Variants in DCHS1 observed in about 807,000 individuals in gnomAD.
DCHS1 encodes dachsous cadherin-related 1, also known as protocadherin-16.
Under a neutral mutation model 213.9 loss-of-function variants are expected in DCHS1, and 78 were observed. That is an observed-to-expected ratio of 0.36 (90% CI 0.30 to 0.44). The LOEUF is 0.44. Ranked by LOEUF, DCHS1 falls within the 20% of genes least tolerant of loss-of-function variation. DCHS1 has a pLI of 1.00. For synonymous variants in DCHS1, 1,828 were observed against 1,873.7 expected, an observed-to-expected ratio of 0.98 and a Z score of 0.63; for missense variants, 3,946 against 4,395.9, an observed-to-expected ratio of 0.90 and a Z score of 2.89.
chr11:6,638,635 C>G (rs559723952), intron 2 of DCHS1, among the ~76,000 whole-genome samples: 5 of 152,336 alleles, frequency 3.3e-5, no homozygotes, highest in Middle Eastern at 3.4e-3. Flanking sequence ...CACTCATACG[C>G]CACCTGCTGC....
Position 6,634,226 on chromosome 11 carries a change from A to C in DCHS1, c.1878T>G (p.Ser626=). Residue 626 remains serine (S), a synonymous_variant, in exon 3 of 21, where the codon TCT becomes TCG. Transcript: ENST00000299441. The part of the protein sequence containing the change: ...SLGAGLGSSG[S]PPFRIDAHSG... ...TGTGGGCATCAATGCGGAATGGGGG[A>C]GATCCGGAGGACCCAAGTCCAGCAC... The C allele has an allele frequency of 6.2e-7, 1 of 1,613,870 alleles. No individual in the cohort carries two copies. Among genetic ancestry groups the C allele is most frequent in the Non-Finnish European group, 8.5e-7 (1 of 1,179,822 alleles).
At chr11:6,653,816 G>C (rs994719361) in intron 1 of DCHS1, among the ~76,000 whole-genome samples, 31 of 152,212 alleles carry the variant, frequency 2.0e-4, no homozygotes, top group African/African-American at 7.2e-4. Context: ...GAAAGGAACA[G>C]AGTAGGAGAA....
chr11:6,630,739 C>T lies in DCHS1; in HGVS notation c.4055G>A (p.Gly1352Asp). ...AEGLRPGSLL[G>D]SVAAPEPAGV... ...CGCGGGCTCTGGCGCTGCCACCGAG[C>T]CCAACAGAGAGCCGGGCCGCAGTCC... The change falls in exon 10 of 21, where the codon GGC becomes GAC. Residue 1352 changes from glycine (G) to aspartate (D), a missense_variant. Physicochemically the swap from Gly to Asp is moderately conservative, Grantham distance 94. Coordinates refer to ENST00000299441, the MANE Select transcript of DCHS1 (RefSeq NM_003737.4). The T allele has an allele frequency of 6.5e-7, 1 of 1,545,092 alleles. No individual in the cohort carries two copies.
rs752835186 is a variant in DCHS1, at chr11:6,631,386, C to G, written c.3697G>C (p.Gly1233Arg). The G allele has an allele frequency of 1.2e-6, 2 of 1,614,002 alleles. No individual in the cohort carries two copies. Among genetic ancestry groups the G allele is most frequent in the South Asian group, 1.1e-5 (1 of 91,088 alleles). Residue 1233 changes from glycine to arginine, a missense_variant, in exon 8 of 21, where the codon GGA becomes CGA. This residue lies in a region of DCHS1 where 3,384 missense variants were observed against 3,780.1 expected (regional missense o/e 0.90). Transcript: ENST00000299441. Reference sequence around the variant, plus strand: ...GCCTGCAGAGTCGTCACCAGTGTTCCCGGAGGCACGCGGTCTGGTACCTGT... The same window carrying G: ...GCCTGCAGAGTCGTCACCAGTGTTCGCGGAGGCACGCGGTCTGGTACCTGT... ...PIQVPDRVPP[G>R]TLVTTLQAKD...
At position 6,629,498 on chromosome 11, in the gene DCHS1, A is replaced by G. The variant is rs910132672; in HGVS notation, c.5115T>C (p.Thr1705=). 7 of 1,613,258 alleles carry G rather than the reference A, an allele frequency of 4.3e-6. No individual in the cohort carries two copies. The African/African-American group carries it at 8.0e-5, about 18-fold the overall frequency. ...SLDPDTGVLT[T]LRALDREEQE... is the part of the protein sequence containing the mutation. ...GTTCCTCTCGATCCAGGGCCCGAAGAGTCGTGAGAACACCAGTGTCAGGAT... is the reference window on the plus strand; with the variant it reads ...GTTCCTCTCGATCCAGGGCCCGAAGGGTCGTGAGAACACCAGTGTCAGGAT... The change falls in exon 12 of 21, where the codon ACT becomes ACC. Residue 1705 remains threonine (T), a synonymous_variant. Coordinates refer to ENST00000299441, the MANE Select transcript of DCHS1 (RefSeq NM_003737.4).
chr11:6,625,003 G>C lies in DCHS1; in HGVS notation c.7147-135C>G. The C allele has an allele frequency of 7.1e-7, 1 of 1,417,936 alleles. No homozygotes were observed. Among genetic ancestry groups the C allele is most frequent in the Non-Finnish European group, 9.6e-7 (1 of 1,045,020 alleles). 87.8% of individuals were successfully genotyped at this position (1,417,936 alleles called of 1,614,324 possible). A position where few individuals can be genotyped will look rare whatever the true frequency, so the allele number is the denominator to read the frequency against. On this transcript the variant is annotated intron_variant, in intron 19 of 20. Transcript: ENST00000299441. This position sits in a 1 kb window ranked among gnomAD's most constrained non-coding sequence, Gnocchi z 5.3. ...TTGGAGCCCCTACTCCTAAGTATTCGAATGGGAAATGCCCACCTTCTCCCC... is the reference window on the plus strand; with the variant it reads ...TTGGAGCCCCTACTCCTAAGTATTCCAATGGGAAATGCCCACCTTCTCCCC...
At position 6,630,735 on chromosome 11, in the gene DCHS1, C is replaced by G; in HGVS notation, c.4059G>C (p.Ser1353=). Residue 1353 remains serine, a synonymous_variant, in exon 10 of 21, where the codon TCG becomes TCC. Coordinates refer to ENST00000299441, the MANE Select transcript of DCHS1 (RefSeq NM_003737.4). ...EGLRPGSLLG[S]VAAPEPAGVG... ...CACCCGCGGGCTCTGGCGCTGCCAC[C>G]GAGCCCAACAGAGAGCCGGGCCGCA... 1.3e-6 allele frequency: 2 copies of G among 1,544,770 alleles called. No homozygotes were observed. The highest frequency in any genetic ancestry group is 1.2e-5 in the South Asian group (1 of 84,070).
At chr11:6,645,605 A>G (rs1856143027) in intron 1 of DCHS1, among the ~76,000 whole-genome samples, 1 of 152,222 alleles carries the variant, frequency 6.6e-6, no homozygotes, top group South Asian at 2.1e-4. Context: ...TGAATGAAGC[A>G]ATCTATGAAT....
rs913100102 is a variant in DCHS1, at chr11:6,628,659, T to C, written c.5333A>G (p.Asp1778Gly). 6.2e-7 allele frequency: 1 copy of C among 1,614,006 alleles called. No individual in the cohort carries two copies. Among genetic ancestry groups the C allele is most frequent in the Non-Finnish European group, 8.5e-7 (1 of 1,179,890 alleles). The change falls in exon 13 of 21, where the codon GAT becomes GGT. Residue 1778 changes from aspartate (D) to glycine (G), a missense_variant. Asp to Gly is a moderately conservative substitution (Grantham distance 94, BLOSUM62 -1). Coordinates refer to ENST00000299441, the MANE Select transcript of DCHS1 (RefSeq NM_003737.4). This position sits in a 1 kb window ranked among gnomAD's most constrained non-coding sequence, Gnocchi z 4.3. ...CTGCAACTGCCCATTGGCTCCCACA[T>C]CTGGATCAGAGGCCCGAAGCATGGT... Reference protein sequence around the residue: ...TLTMLRASDPDVGANGQLQYR... With the variant: ...TLTMLRASDPGVGANGQLQYR...
intron 20 of DCHS1, 50 bp from the exon 21 acceptor site, chr11:6,624,440 T>C: frequency 2.7e-6 from 4 of 1,490,170 alleles, no homozygotes; most frequent in Non-Finnish European, 3.6e-6. Flanking sequence ...AGGCTGTGAG[T>C]GAACAGAAGA....
intron 1 of DCHS1, among the ~76,000 whole-genome samples, chr11:6,643,133 A>G (rs1205621562): frequency 6.6e-6 from 1 of 152,064 alleles, no homozygotes; most frequent in Non-Finnish European, 1.5e-5. Flanking sequence ...GGTGCCTCTG[A>G]GTCTAAGGGA....
At position 6,621,448 on chromosome 11, in the gene DCHS1, C is replaced by G; in HGVS notation, c.*331G>C. On this transcript the variant is annotated 3_prime_UTR_variant, in exon 21 of 21. Transcript: ENST00000299441. ...CTGGGTCCAAACATGTTGGAGGGACCTCCTCCATCCCCCTACCCCCAATAA... is the reference window on the plus strand; with the variant it reads ...CTGGGTCCAAACATGTTGGAGGGACGTCCTCCATCCCCCTACCCCCAATAA... 1 of 432,894 alleles carries G rather than the reference C, an allele frequency of 2.3e-6. No homozygotes were observed. Among genetic ancestry groups the G allele is most frequent in the Non-Finnish European group, 4.4e-6 (1 of 227,990 alleles). The allele number at this position is 432,894 out of a possible 1,614,324, so 26.8% of individuals were successfully genotyped here.
At position 6,622,557 on chromosome 11, in the gene DCHS1, T is replaced by G. The variant is rs987562292; in HGVS notation, c.9119A>C (p.Glu3040Ala). The change falls in exon 21 of 21, where the codon GAG (glutamate) becomes GCG (alanine). Residue 3040 changes from glutamate to alanine, a missense_variant. This residue lies in a region of DCHS1 where 554 missense variants were observed against 590.2 expected (regional missense o/e 0.94). Coordinates refer to ENST00000299441, the MANE Select transcript of DCHS1 (RefSeq NM_003737.4). This position sits in a 1 kb window ranked among gnomAD's most constrained non-coding sequence, Gnocchi z 5.4. The stretch of plus-strand genomic sequence containing the variant: ...ATTGATCATGCGGATCTCATCATCC[T>G]CTGCAGCCTCTGCTGATCCTCGGCC... ...SSGRGSAEAAEDDEIRMINEF... is the reference protein window; with the variant it reads ...SSGRGSAEAAADDEIRMINEF... 6.3e-7 allele frequency: 1 copy of G among 1,579,878 alleles called. No homozygotes were observed. Among genetic ancestry groups the G allele is most frequent in the Non-Finnish European group, 8.6e-7 (1 of 1,163,632 alleles).
At chr11:6,633,729 C>T in intron 4 of DCHS1, 60 bp downstream of exon 4, 2 of 1,598,550 alleles carry the variant, frequency 1.3e-6, no homozygotes, top group Non-Finnish European at 8.6e-7. Context: ...GGTAGGACAT[C>T]ATTTAGGCAG....
At chr11:6,639,629 C>T (rs1353080534) in intron 2 of DCHS1, among the ~76,000 whole-genome samples, 188 bp downstream of exon 2, 2 of 152,198 alleles carry the variant, frequency 1.3e-5, no homozygotes, top group Non-Finnish European at 2.9e-5. Context: ...GCTCTTGCAC[C>T]CTGCTTTCTC....
At position 6,641,882 on chromosome 11, in the gene DCHS1, T is replaced by G; in HGVS notation, c.-120-149A>C. The G allele has an allele frequency of 1.5e-6, 1 of 655,422 alleles. No individual in the cohort carries two copies. The highest frequency in any genetic ancestry group is 2.4e-6 in the Non-Finnish European group (1 of 417,692). The allele number at this position is 655,422 out of a possible 1,614,324, so 40.6% of individuals were successfully genotyped here. ...ACTCATCTTGGGCCACACGGATCTCTGCCTCAGGACTCTTCGAGGCCACTC... is the reference window on the plus strand; with the variant it reads ...ACTCATCTTGGGCCACACGGATCTCGGCCTCAGGACTCTTCGAGGCCACTC... On this transcript the variant is annotated intron_variant, in intron 1 of 20. Transcript: ENST00000299441. This position sits in a 1 kb window ranked among gnomAD's most constrained non-coding sequence, Gnocchi z 7.1.
At position 6,621,736 on chromosome 11, in the gene DCHS1, G is replaced by T; in HGVS notation, c.*43C>A. The T allele has an allele frequency of 6.5e-7, 1 of 1,544,336 alleles. No individual in the cohort carries two copies. The highest frequency in any genetic ancestry group is 1.2e-5 in the South Asian group (1 of 83,974). ...GGCTCAGAGTGGGGCCTGCGTTGGGGACACTGTGCGCATCCCAGGTCGGGG... is the reference window on the plus strand; with the variant it reads ...GGCTCAGAGTGGGGCCTGCGTTGGGTACACTGTGCGCATCCCAGGTCGGGG... On this transcript the variant is annotated 3_prime_UTR_variant, in exon 21 of 21. Transcript: ENST00000299441.
In DCHS1 at chr11:6,623,091, T is replaced by C. The variant is rs1364314104; in HGVS notation, c.8585A>G (p.Asn2862Ser). Residue 2862 changes from asparagine to serine, a missense_variant, in exon 21 of 21, where the codon AAC becomes AGC. Asn to Ser is a conservative substitution (Grantham distance 46). This residue lies in a region of DCHS1 where 554 missense variants were observed against 590.2 expected (regional missense o/e 0.94). Coordinates refer to ENST00000299441, the MANE Select transcript of DCHS1 (RefSeq NM_003737.4). ...LATSSPYFGI[N>S]QTTGALYLRV... ...CAGGTACAGGGCTCCTGTAGTCTGG[T>C]TAATACCAAAATAGGGGGAAGAGGT... 2 of 1,598,748 alleles carry C rather than the reference T, an allele frequency of 1.3e-6. No homozygotes were observed. The highest frequency in any genetic ancestry group is 2.3e-5 in the East Asian group (1 of 44,154).
chr11:6,640,456 A>C lies in DCHS1; in HGVS notation c.1158T>G (p.Ala386=), dbSNP rs746082907. 6.2e-7 allele frequency: 1 copy of C among 1,613,842 alleles called. No homozygotes were observed. Among genetic ancestry groups the C allele is most frequent in the Non-Finnish European group, 8.5e-7 (1 of 1,179,890 alleles). ...CATCTGGGTCTGACACAGAGATGCGAGCAACGAGCTGTCCAGGTGGGGCGG... is the reference window on the plus strand; with the variant it reads ...CATCTGGGTCTGACACAGAGATGCGCGCAACGAGCTGTCCAGGTGGGGCGG... The part of the protein sequence containing the change: ...SEAAPPGQLV[A]RISVSDPDDG... Residue 386 remains alanine (A), a synonymous_variant, in exon 2 of 21, where the codon GCT becomes GCG. Transcript: ENST00000299441. This position sits in a 1 kb window ranked among gnomAD's most constrained non-coding sequence, Gnocchi z 6.5.
Sources: allele counts gnomAD v4.1 joint callset (sites outside exome capture counted in the v4.1 genomes callset), GRCh38; gene constraint gnomAD v4.1.1; regional missense constraint gnomAD v4.1.1; non-coding constraint Gnocchi (gnomAD v3.1); transcripts MANE v1.5; gene names NCBI Gene and HGNC (gene_info 2026-07-23, HGNC 2026-07-21).